SGCZ: variants seen among roughly 807,000 people sequenced by gnomAD.
SGCZ encodes the protein sarcoglycan zeta.
A neutral mutation model predicts 41.3 loss-of-function variants in SGCZ; 40 were observed. That is an observed-to-expected ratio of 0.97 (90% CI 0.75 to 1.26). SGCZ has a LOEUF of 1.26. Ranked by LOEUF, SGCZ falls within the 50% of genes most tolerant of loss-of-function variation. The pLI, the probability that SGCZ is intolerant of heterozygous loss-of-function variation, is 0.00. For missense variants in SGCZ, 552 were observed against 369.8 expected (o/e 1.49, Z -4.04); for synonymous variants, 206 against 137.5 (o/e 1.50, Z -3.49).
At chr8:14,565,479 C>G (rs1400673001) in intron 1 of SGCZ, among the ~76,000 whole-genome samples, 1 of 151,926 alleles carries the variant, frequency 6.6e-6, no homozygotes. Context: ...AGGTTATCAA[C>G]ATGGAGAGAT....
chr8:14,496,750 A>G (rs1801999733), intron 2 of SGCZ, among the ~76,000 whole-genome samples: 1 of 152,014 alleles, frequency 6.6e-6, no homozygotes, highest in Admixed American at 6.6e-5. Context: ...AGGCACTCTC[A>G]TGTGTTTGAT....
At chr8:14,120,518 T>G (rs1802665526) in intron 5 of SGCZ, among the ~76,000 whole-genome samples, 1 of 152,134 alleles carries the variant, frequency 6.6e-6, no homozygotes, top group Non-Finnish European at 1.5e-5. Context: ...AATCACCACT[T>G]TAATTCAACT....
At chr8:14,802,807 C>T (rs372023465) in intron 1 of SGCZ, among the ~76,000 whole-genome samples, 2 of 152,190 alleles carry the variant, frequency 1.3e-5, no homozygotes, top group African/African-American at 4.8e-5. Context: ...AGCGAATGTT[C>T]CAAGAAATAG....
chr8:14,173,002 C>A (rs1804433397), intron 4 of SGCZ, among the ~76,000 whole-genome samples: 1 of 152,070 alleles, frequency 6.6e-6, no homozygotes, highest in African/African-American at 2.4e-5. Flanking sequence ...TTGGTATTTC[C>A]CTAAGCACCC....
intron 1 of SGCZ, among the ~76,000 whole-genome samples, chr8:14,765,744 G>C (rs894884549): frequency 6.6e-6 from 1 of 152,192 alleles, no homozygotes; most frequent in Non-Finnish European, 1.5e-5. Context: ...CAAGTATGGG[G>C]AGAAGGCCAT....
intron 2 of SGCZ, among the ~76,000 whole-genome samples, chr8:14,485,881 C>T (rs1249607561): frequency 7.3e-6 from 1 of 137,796 alleles, no homozygotes. Context: ...GTCGCCCAGG[C>T]CGGACTGCGG....
intron 1 of SGCZ, among the ~76,000 whole-genome samples, chr8:15,164,292 G>A (rs567797735): frequency 2.4e-4 from 36 of 152,220 alleles, no homozygotes; most frequent in African/African-American, 8.2e-4. Flanking sequence ...TCAGAATCCT[G>A]AGGGTGGGGG....
At chr8:14,440,428 TTTCCGCC>T (rs1800215919) in intron 2 of SGCZ, among the ~76,000 whole-genome samples, 2 of 152,134 alleles carry the variant, frequency 1.3e-5, no homozygotes, top group African/African-American at 4.8e-5. Flanking sequence ...GTCACACTTT[TTTCCGCC>T]TGGGTTTGTT....
chr8:14,871,169 T>G (rs535907742), intron 1 of SGCZ, among the ~76,000 whole-genome samples: 1 of 152,038 alleles, frequency 6.6e-6, no homozygotes, highest in African/African-American at 2.4e-5. Flanking sequence ...ATCACATCAT[T>G]GCACTCCAGC....
intron 1 of SGCZ, among the ~76,000 whole-genome samples, chr8:14,724,053 G>C (rs1222571127): frequency 1.3e-5 from 2 of 152,074 alleles, no homozygotes; most frequent in Non-Finnish European, 1.5e-5. Context: ...ATTGCTTAAA[G>C]TCAATGAAAT....
intron 1 of SGCZ, among the ~76,000 whole-genome samples, chr8:14,957,688 C>A (rs1208033722): frequency 6.6e-6 from 1 of 151,804 alleles, no homozygotes; most frequent in Non-Finnish European, 1.5e-5. Flanking sequence ...TTATTTTAAT[C>A]CCTCTATTTT....
At chr8:14,870,828 C>G (rs1225586366) in intron 1 of SGCZ, among the ~76,000 whole-genome samples, 2 of 152,086 alleles carry the variant, frequency 1.3e-5, no homozygotes, top group African/African-American at 4.8e-5. Flanking sequence ...CGAAACAAGG[C>G]TCATCATCAC....
chr8:14,188,030 C>T (rs1177308123), intron 4 of SGCZ, among the ~76,000 whole-genome samples: 1 of 151,872 alleles, frequency 6.6e-6, no homozygotes, highest in African/African-American at 2.4e-5. Flanking sequence ...AGTAGTAGGA[C>T]AGCATATTCA....
At chr8:15,026,784 T>G (rs1271391038) in intron 1 of SGCZ, among the ~76,000 whole-genome samples, 3 of 152,182 alleles carry the variant, frequency 2.0e-5, no homozygotes, top group Non-Finnish European at 4.4e-5. Flanking sequence ...TAATTATATA[T>G]TGTGAGAAGC....
intron 1 of SGCZ, among the ~76,000 whole-genome samples, chr8:15,236,814 C>T (rs1377182188): frequency 1.3e-5 from 2 of 152,116 alleles, no homozygotes; most frequent in African/African-American, 4.8e-5. Context: ...GCGCGGGGAA[C>T]CCGCGGAGCG....
intron 1 of SGCZ, among the ~76,000 whole-genome samples, chr8:15,063,658 G>T (rs1805021534): frequency 6.6e-6 from 1 of 152,042 alleles, no homozygotes; most frequent in African/African-American, 2.4e-5. Context: ...CTTTTCCAAA[G>T]ATTTAAATTA....
intron 5 of SGCZ, among the ~76,000 whole-genome samples, chr8:14,154,093 G>A (rs1212359212): frequency 2.6e-5 from 4 of 152,150 alleles, no homozygotes; most frequent in South Asian, 2.1e-4. Context: ...ATTTCTGGCC[G>A]GGCCCGGTGG....
chr8:14,308,281 G>C (rs1448668208), intron 3 of SGCZ, among the ~76,000 whole-genome samples: 1 of 152,012 alleles, frequency 6.6e-6, no homozygotes, highest in Non-Finnish European at 1.5e-5. Flanking sequence ...GAAAGGTGAA[G>C]TCATGACAAT....
intron 1 of SGCZ, among the ~76,000 whole-genome samples, chr8:14,743,790 G>A (rs1799266010): frequency 6.6e-6 from 1 of 151,930 alleles, no homozygotes. Context: ...CCTTTAGAAG[G>A]AAAGAAGATA....
Sources: gnomAD v4.1 joint callset for allele counts (sites outside exome capture counted in the v4.1 genomes callset) on GRCh38, gnomAD v4.1.1 for gene constraint, MANE v1.5 for transcripts, NCBI Gene and HGNC (gene_info 2026-07-23, HGNC 2026-07-21) for gene names.